The following RASEF variants were observed in gnomAD, a reference collection of about 807,000 sequenced individuals.
RASEF encodes ras and EF-hand domain-containing protein.
RASEF carries 68 observed loss-of-function variants against 90.1 expected under a neutral mutation model. The ratio of observed to expected loss-of-function variants is 0.75; its 90% confidence interval spans 0.62 to 0.92. The LOEUF (loss-of-function observed/expected upper bound fraction) is 0.92. Among genes scored for constraint, RASEF ranks in the 40% least tolerant of loss-of-function variants. The pLI is 0.00. For synonymous variants in RASEF, 331 were observed against 345.2 expected (o/e 0.96, Z 0.46); for missense variants, 949 against 937.2 (o/e 1.01, Z -0.16).
intron 3 of RASEF, among the ~76,000 whole-genome samples, chr9:83,019,710 T>A (rs1433304920): frequency 6.6e-6 from 1 of 152,196 alleles, no homozygotes; most frequent in Non-Finnish European, 1.5e-5. Context: ...CTAAACACTG[T>A]GGTACCCCTA....
intron 3 of RASEF, 51 bp from the exon 4 acceptor site, chr9:83,015,951 C>A: frequency 7.6e-7 from 1 of 1,315,244 alleles, no homozygotes; most frequent in Non-Finnish European, 1.1e-6. Context: ...ACCCTCTTAA[C>A]CTTCAAAACC....
chr9:83,191,385 C>T, the RASEF span, among the ~76,000 whole-genome samples: 3 of 152,264 alleles, frequency 2.0e-5, no homozygotes, highest in African/African-American at 7.2e-5. Flanking sequence ...AATTACAATG[C>T]CCTAAGGAAC....
At chr9:83,164,137 A>G in the RASEF span, among the ~76,000 whole-genome samples, 1 of 151,364 alleles carries the variant, frequency 6.6e-6, no homozygotes, top group Admixed American at 6.6e-5. Flanking sequence ...AAGAAATGTA[A>G]AAGAAGTCAC....
chr9:83,122,923 G>T, the RASEF span, among the ~76,000 whole-genome samples: 1 of 152,130 alleles, frequency 6.6e-6, no homozygotes, highest in Non-Finnish European at 1.5e-5. Context: ...TCTGAATGGG[G>T]TGAGGTATAT....
At chr9:83,193,089 T>C in the RASEF span, among the ~76,000 whole-genome samples, 275 of 152,322 alleles carry the variant, frequency 1.8e-3, 3 homozygotes, top group Middle Eastern at 3.4e-3. Flanking sequence ...ACTTTGCCTC[T>C]GCGAATGAAG....
chr9:83,120,084 A>C, the RASEF span, among the ~76,000 whole-genome samples: 1 of 152,184 alleles, frequency 6.6e-6, no homozygotes, highest in Non-Finnish European at 1.5e-5. Context: ...ATTGACATTT[A>C]AGATTCTGTT....
rs201002658 is a variant in RASEF, at chr9:82,998,405, G to C, written c.1765C>G (p.Arg589Gly). 2.5e-6 allele frequency: 4 copies of C among 1,613,160 alleles called. No individual in the cohort carries two copies. The highest frequency in any genetic ancestry group is 1.1e-5 in the South Asian group (1 of 91,066). ...GTATCCCAGAGCTGCAGAACTGTTC[G>C]TTCTCCATCCACAATGAGGGTTTTC... ...QMKTLIVDGERTVLQLWDTAG... is the reference protein window; with the variant it reads ...QMKTLIVDGEGTVLQLWDTAG... Residue 589 changes from arginine to glycine, a missense_variant, in exon 13 of 17, where the codon CGA (arginine) becomes GGA (glycine). Physicochemically the swap from Arg to Gly is moderately radical, Grantham distance 125. Coordinates refer to ENST00000376447, the MANE Select transcript of RASEF (RefSeq NM_152573.4).
At chr9:83,115,207 G>C in the RASEF span, among the ~76,000 whole-genome samples, 1 of 152,090 alleles carries the variant, frequency 6.6e-6, no homozygotes, top group African/African-American at 2.4e-5. Flanking sequence ...AAATAGAAAA[G>C]AACCTATGTT....
the RASEF span, among the ~76,000 whole-genome samples, chr9:83,145,963 G>T: frequency 6.6e-6 from 1 of 151,768 alleles, no homozygotes; most frequent in African/African-American, 2.4e-5. Context: ...TTATTTTATG[G>T]GTCCTCATAA....
the RASEF span, among the ~76,000 whole-genome samples, chr9:83,126,269 G>T: frequency 6.6e-6 from 1 of 152,090 alleles, no homozygotes; most frequent in African/African-American, 2.4e-5. Flanking sequence ...TAGTGCTCCT[G>T]TAAGAAGAGA....
chr9:83,083,188 T>A, the RASEF span, among the ~76,000 whole-genome samples: 1 of 152,258 alleles, frequency 6.6e-6, no homozygotes, highest in East Asian at 1.9e-4. Flanking sequence ...GCAGATGAAT[T>A]CCATAAAGGG....
intron 14 of RASEF, among the ~76,000 whole-genome samples, chr9:82,993,313 A>C (rs1424277450): frequency 6.6e-6 from 1 of 152,218 alleles, no homozygotes; most frequent in Non-Finnish European, 1.5e-5. Context: ...CCCCATCCTT[A>C]GGTTAATGAA....
chr9:83,159,818 C>A, the RASEF span, among the ~76,000 whole-genome samples: 1 of 152,188 alleles, frequency 6.6e-6, no homozygotes, highest in African/African-American at 2.4e-5. Flanking sequence ...GTAACTCCCT[C>A]GTTCCCATGT....
chr9:83,017,220 T>C (rs1418704620), intron 3 of RASEF, among the ~76,000 whole-genome samples: 1 of 151,160 alleles, frequency 6.6e-6, no homozygotes, highest in African/African-American at 2.4e-5. Flanking sequence ...GCATGGTGGC[T>C]CATGACTGTA....
At chr9:83,073,470 G>T in the RASEF span, among the ~76,000 whole-genome samples, 1 of 149,604 alleles carries the variant, frequency 6.7e-6, no homozygotes, top group African/African-American at 2.5e-5. Context: ...ACACTGATAT[G>T]AATCCTCCTC....
the RASEF span, among the ~76,000 whole-genome samples, chr9:83,099,200 A>G: frequency 6.6e-6 from 1 of 152,184 alleles, no homozygotes; most frequent in Admixed American, 6.5e-5. Context: ...AAGTGCACAT[A>G]TATATACTTA....
chr9:83,144,161 A>AG, the RASEF span, among the ~76,000 whole-genome samples: 1 of 151,716 alleles, frequency 6.6e-6, no homozygotes, highest in Non-Finnish European at 1.5e-5. Context: ...GAAGGGAGAA[A>AG]GGGGAGTAAG....
chr9:83,005,660 A>T (rs1829116017), intron 7 of RASEF, among the ~76,000 whole-genome samples, 160 bp from the exon 8 acceptor site: 1 of 152,208 alleles, frequency 6.6e-6, no homozygotes, highest in African/African-American at 2.4e-5. Context: ...AACTGAGATA[A>T]TTCATTACTT....
chr9:83,190,694 C>T, the RASEF span, among the ~76,000 whole-genome samples: 6 of 152,202 alleles, frequency 3.9e-5, no homozygotes, highest in African/African-American at 1.4e-4. Context: ...AAGGTTCCCA[C>T]CTGCATTAAA....
Sources: gnomAD v4.1 joint callset for allele counts (sites outside exome capture counted in the v4.1 genomes callset) on GRCh38, gnomAD v4.1.1 for gene constraint, MANE v1.5 for transcripts, NCBI Gene and HGNC (gene_info 2026-07-23, HGNC 2026-07-21) for gene names.